Variants in FNDC3A observed in about 807,000 individuals in gnomAD.
The protein encoded by FNDC3A is fibronectin type III domain containing 3A, also known as fibronectin type-III domain-containing protein 3A.
Under a neutral mutation model 148.9 loss-of-function variants are expected in FNDC3A, and 32 were observed. That is an observed-to-expected ratio of 0.21 (90% CI 0.16 to 0.29). The LOEUF (loss-of-function observed/expected upper bound fraction) is 0.29, where lower values mean the gene tolerates loss of function less well. Ranked by LOEUF, FNDC3A falls within the 10% of genes least tolerant of loss-of-function variation. FNDC3A has a pLI of 1.00. For missense variants in FNDC3A, 1,191 were observed against 1,452.8 expected (o/e 0.82, Z 2.93); for synonymous variants, 472 against 473.6 (o/e 1.00, Z 0.04).
intron 8 of FNDC3A, chr13:49,146,811 A>G (rs1173232332): frequency 2.0e-5 from 3 of 152,220 alleles, no homozygotes; most frequent in Non-Finnish European, 4.4e-5. Context: ...GACATTTATG[A>G]TTGACAGTTT....
chr13:49,161,516 G>A (rs956183713), intron 8 of FNDC3A, among the ~76,000 whole-genome samples: 3 of 152,042 alleles, frequency 2.0e-5, no homozygotes, highest in East Asian at 3.9e-4. Context: ...CAGCAGATGG[G>A]ACCCCTGAAT....
chr13:49,028,757 T>C (rs1377383703), intron 2 of FNDC3A, among the ~76,000 whole-genome samples: 1 of 152,156 alleles, frequency 6.6e-6, no homozygotes, highest in Non-Finnish European at 1.5e-5. Flanking sequence ...ATTGACAGAA[T>C]TGATGGGAGA....
chr13:49,130,781 A>G (rs1881981585), intron 4 of FNDC3A, among the ~76,000 whole-genome samples: 1 of 150,642 alleles, frequency 6.6e-6, no homozygotes, highest in African/African-American at 2.5e-5. Flanking sequence ...ATTTTATTTT[A>G]TTTTTGAGAC....
At chr13:48,995,269 C>A (rs1952002652) in intron 1 of FNDC3A, among the ~76,000 whole-genome samples, 1 of 150,060 alleles carries the variant, frequency 6.7e-6, no homozygotes, top group Middle Eastern at 3.5e-3. Flanking sequence ...TGACTTCTAA[C>A]AAAATACTGT....
chr13:49,019,751 A>G lies in FNDC3A; in HGVS notation c.99+13462A>G, dbSNP rs981462096. On this transcript the variant is annotated intron_variant, in intron 2 of 25. Coordinates refer to ENST00000492622, the MANE Select transcript of FNDC3A (RefSeq NM_001079673.2). Reference sequence around the variant, plus strand: ...ATGCTAATATTTTTTCTTGGATTTTATTTTTAGTCTGTGTTCATGAGTGAG... The same window carrying G: ...ATGCTAATATTTTTTCTTGGATTTTGTTTTTAGTCTGTGTTCATGAGTGAG... Among the ~76,000 whole-genome samples, 69 of 152,162 alleles carry G rather than the reference A, an allele frequency of 4.5e-4. 1 individual carries two copies. Among genetic ancestry groups the G allele is most frequent in the Non-Finnish European group, 9.4e-4 (64 of 67,970 alleles).
intron 3 of FNDC3A, among the ~76,000 whole-genome samples, chr13:49,079,278 A>G (rs1210938969): frequency 6.6e-6 from 1 of 152,188 alleles, no homozygotes; most frequent in Non-Finnish European, 1.5e-5. Context: ...CTGGACATTC[A>G]AACAAAATCT....
intron 2 of FNDC3A, among the ~76,000 whole-genome samples, chr13:49,011,294 C>T (rs944266982): frequency 6.6e-6 from 1 of 151,784 alleles, no homozygotes; most frequent in Non-Finnish European, 1.5e-5. Flanking sequence ...AGTGCAGTGG[C>T]GTGATCTCGG....
At chr13:49,195,138 T>C (rs987349703) in intron 19 of FNDC3A, among the ~76,000 whole-genome samples, 2 of 152,196 alleles carry the variant, frequency 1.3e-5, no homozygotes, top group African/African-American at 4.8e-5. Context: ...ACTTTATTCA[T>C]CATATTTATA....
At chr13:49,196,750 A>G in intron 19 of FNDC3A, 127 bp from the exon 20 acceptor site, 1 of 510,682 alleles carries the variant, frequency 2.0e-6, no homozygotes, top group South Asian at 3.7e-5. Context: ...TTATAGAATT[A>G]TGACCAAATT....
At chr13:49,094,785 A>G (rs1879417793) in intron 3 of FNDC3A, among the ~76,000 whole-genome samples, 1 of 152,130 alleles carries the variant, frequency 6.6e-6, no homozygotes, top group Admixed American at 6.6e-5. Context: ...CCAAGAGGAC[A>G]CTTACAGGGT....
At chr13:49,204,742 A>G (rs1460537192) in intron 25 of FNDC3A, among the ~76,000 whole-genome samples, 1 of 148,610 alleles carries the variant, frequency 6.7e-6, no homozygotes, top group East Asian at 2.0e-4. Flanking sequence ...ACCTTCTGAA[A>G]TTAGCTTGAG....
intron 16 of FNDC3A, 82 bp from the exon 17 acceptor site, chr13:49,188,433 G>C (rs1197836201): frequency 1.3e-6 from 1 of 765,168 alleles, no homozygotes; most frequent in Non-Finnish European, 2.2e-6. Context: ...ACTTTGTGAA[G>C]CTAGGATACC....
At chr13:49,091,290 A>G (rs1196632551) in intron 3 of FNDC3A, among the ~76,000 whole-genome samples, 1 of 151,888 alleles carries the variant, frequency 6.6e-6, no homozygotes, top group Non-Finnish European at 1.5e-5. Flanking sequence ...AAAGAAATAA[A>G]CAGAAATTGT....
chr13:49,177,440 T>TTA (rs1291483385), intron 13 of FNDC3A, among the ~76,000 whole-genome samples: 3 of 152,190 alleles, frequency 2.0e-5, no homozygotes, highest in Non-Finnish European at 2.9e-5. Flanking sequence ...AGTTAGGGTG[T>TTA]ATTCTATTAT....
chr13:49,178,716 GTTCT>G, intron 14 of FNDC3A, 62 bp downstream of exon 14: 1 of 932,256 alleles, frequency 1.1e-6, no homozygotes, highest in Non-Finnish European at 1.6e-6. Context: ...GTGTGGTGGG[GTTCT>G]TTGTTTTCTG....
At chr13:49,032,315 T>C (rs1031700459) in intron 2 of FNDC3A, among the ~76,000 whole-genome samples, 11 of 151,994 alleles carry the variant, frequency 7.2e-5, no homozygotes, top group African/African-American at 4.8e-5. Flanking sequence ...CAAAAACATA[T>C]GTCCATGTAA....
chr13:48,976,431 C>A (rs1184213411), intron 1 of FNDC3A, among the ~76,000 whole-genome samples: 2 of 152,214 alleles, frequency 1.3e-5, no homozygotes, highest in African/African-American at 2.4e-5. Context: ...CCGAGCCTAG[C>A]CAGGACACGC....
At chr13:49,162,079 T>G (rs145704560) in intron 8 of FNDC3A, among the ~76,000 whole-genome samples, 3 of 152,158 alleles carry the variant, frequency 2.0e-5, no homozygotes, top group African/African-American at 4.8e-5. Flanking sequence ...CTGACAGTTA[T>G]GTGTCTTGGG....
intron 2 of FNDC3A, among the ~76,000 whole-genome samples, chr13:49,023,653 C>T (rs770767452): frequency 5.9e-5 from 9 of 151,866 alleles, no homozygotes; most frequent in Non-Finnish European, 1.3e-4. Context: ...TAGTCAACTC[C>T]TGTGCCCCAG....
Sources: gnomAD v4.1 joint callset for allele counts (sites outside exome capture counted in the v4.1 genomes callset) on GRCh38, gnomAD v4.1.1 for gene constraint, MANE v1.5 for transcripts, NCBI Gene and HGNC (gene_info 2026-07-23, HGNC 2026-07-21) for gene names.